NT5M: variants seen among roughly 807,000 people sequenced by gnomAD.
The protein encoded by NT5M is 5'(3')-deoxyribonucleotidase, mitochondrial.
Under a neutral mutation model 22.2 loss-of-function variants are expected in NT5M, and 22 were observed. That is an observed-to-expected ratio of 0.99 (90% CI 0.71 to 1.41). The LOEUF is 1.41. Ranked by LOEUF, NT5M falls within the 40% of genes most tolerant of loss-of-function variation. The pLI, the probability that NT5M is intolerant of heterozygous loss-of-function variation, is 0.00. For synonymous variants in NT5M, 167 were observed against 133.0 expected (o/e 1.26, Z -1.76); for missense variants, 322 against 314.8 (o/e 1.02, Z -0.17).
intron 3 of NT5M, among the ~76,000 whole-genome samples, chr17:17,332,671 T>G (rs1040926859): frequency 1.3e-5 from 2 of 152,188 alleles, no homozygotes; most frequent in African/African-American, 4.8e-5. Flanking sequence ...GCCCTTCTCC[T>G]TCCAAACAGC....
intron 4 of NT5M, 28 bp downstream of exon 4, chr17:17,344,936 A>G: frequency 1.2e-6 from 2 of 1,613,704 alleles, no homozygotes; most frequent in Non-Finnish European, 1.7e-6. Flanking sequence ...GGTGAGGAGC[A>G]CGTGGGGAGG....
chr17:17,303,776 T>C lies in NT5M; in HGVS notation c.226T>C (p.Trp76Arg). ...CGCGCTGGAGGACCGGCGCGGCTTC[T>C]GGGTGTCGGAGCAGTACGGCCGCCT... ...FIALEDRRGFWVSEQYGRLRP... is the reference protein window; with the variant it reads ...FIALEDRRGFRVSEQYGRLRP... The change falls in exon 1 of 5, where the codon TGG becomes CGG. Residue 76 changes from tryptophan to arginine, a missense_variant. Coordinates refer to ENST00000389022, the MANE Select transcript of NT5M (RefSeq NM_020201.4). 6.3e-7 allele frequency: 1 copy of C among 1,578,270 alleles called. No individual in the cohort carries two copies. The highest frequency in any genetic ancestry group is 8.6e-7 in the Non-Finnish European group (1 of 1,163,780).
intron 4 of NT5M, chr17:17,345,214 A>G: frequency 8.6e-7 from 1 of 1,158,118 alleles, no homozygotes; most frequent in Non-Finnish European, 1.1e-6. Context: ...TGGTTTCCAA[A>G]TGTTTGTTTT....
chr17:17,317,059 T>TG (rs1310637257), intron 2 of NT5M, among the ~76,000 whole-genome samples: 1 of 139,372 alleles, frequency 7.2e-6, no homozygotes, highest in Non-Finnish European at 1.5e-5. Flanking sequence ...GTTTTTGTTT[T>TG]TTTTTTTTGA....
chr17:17,305,458 A>G (rs1252962294), intron 1 of NT5M, among the ~76,000 whole-genome samples: 6 of 137,568 alleles, frequency 4.4e-5, no homozygotes, highest in Admixed American at 1.7e-4. Flanking sequence ...CTACTTTTCA[A>G]AATTCTGCTC....
In NT5M at chr17:17,303,632, C is replaced by T; in HGVS notation, c.82C>T (p.Leu28=). ...PAGRRGAAGG[L]GLAGGRALRV... is the part of the protein sequence containing the mutation. ...GGGGCGGCGCGGGGCGGCGGGCGGG[C>T]TGGGCCTGGCGGGAGGCCGCGCCCT... Residue 28 remains leucine (L), a synonymous_variant, in exon 1 of 5, where the codon CTG becomes TTG. Transcript: ENST00000389022. 1 of 1,396,908 alleles carries T rather than the reference C, an allele frequency of 7.2e-7. No homozygotes were observed. Among genetic ancestry groups the T allele is most frequent in the Non-Finnish European group, 9.4e-7 (1 of 1,062,668 alleles). The allele number at this position is 1,396,908 out of a possible 1,614,324, so 86.5% of individuals were successfully genotyped here.
In NT5M at chr17:17,347,125, G is replaced by A; in HGVS notation, c.*178G>A. ...CAGGCCTTAACCTGATCACGGGGCAGGGCTGGGCCCTCTGGGCGCTTGGAC... is the reference window on the plus strand; with the variant it reads ...CAGGCCTTAACCTGATCACGGGGCAAGGCTGGGCCCTCTGGGCGCTTGGAC... On this transcript the variant is annotated 3_prime_UTR_variant, in exon 5 of 5. Transcript: ENST00000389022. 2.4e-6 allele frequency: 2 copies of A among 829,972 alleles called. No individual in the cohort carries two copies. The highest frequency in any genetic ancestry group is 6.0e-5 in the Admixed American group (2 of 33,518). The allele number at this position is 829,972 out of a possible 1,614,324, so 51.4% of individuals were successfully genotyped here.
At chr17:17,310,699 A>G (rs981006890) in intron 2 of NT5M, among the ~76,000 whole-genome samples, 2 of 147,320 alleles carry the variant, frequency 1.4e-5, no homozygotes, top group African/African-American at 5.1e-5. Flanking sequence ...ATAGCCAGGC[A>G]TAGTGGTGCG....
At chr17:17,314,434 G>T (rs1403074476) in intron 2 of NT5M, among the ~76,000 whole-genome samples, 1 of 152,146 alleles carries the variant, frequency 6.6e-6, no homozygotes, top group African/African-American at 2.4e-5. Context: ...CACTCTTCTT[G>T]CTCTAGTTAA....
intron 2 of NT5M, among the ~76,000 whole-genome samples, chr17:17,316,755 GC>G (rs1279554165): frequency 2.0e-5 from 3 of 146,770 alleles, no homozygotes; most frequent in African/African-American, 7.6e-5. Flanking sequence ...TCGCTCTGTT[GC>G]CCAGGCTGGA....
At position 17,335,849 on chromosome 17, in the gene NT5M, C is replaced by G. The variant is rs145773449; in HGVS notation, c.430-8945C>G. Among the ~76,000 whole-genome samples, 998 of 152,126 alleles carry G rather than the reference C, an allele frequency of 6.6e-3. 13 individuals carry two copies. The highest frequency in any genetic ancestry group is 0.023 in the African/African-American group (960 of 41,478). ...GGTTTTGCCATGTTGGCCAGCTGGT[C>G]TCTAACTCCTGACCTCAAGTAATCC... On this transcript the variant is annotated intron_variant, in intron 3 of 4. Coordinates refer to ENST00000389022, the MANE Select transcript of NT5M (RefSeq NM_020201.4).
At chr17:17,343,427 C>T (rs969266727) in intron 3 of NT5M, among the ~76,000 whole-genome samples, 10 of 152,216 alleles carry the variant, frequency 6.6e-5, no homozygotes, top group Middle Eastern at 3.2e-3. Flanking sequence ...GCTGGGACAG[C>T]GGTAGGGCTG....
At chr17:17,331,546 A>AT (rs1283446280) in intron 3 of NT5M, among the ~76,000 whole-genome samples, 1 of 151,620 alleles carries the variant, frequency 6.6e-6, no homozygotes, top group Non-Finnish European at 1.5e-5. Context: ...TGGCCATTTC[A>AT]TCATTGTAAT....
intron 3 of NT5M, among the ~76,000 whole-genome samples, chr17:17,336,804 C>T (rs906527356): frequency 3.3e-5 from 5 of 152,128 alleles, no homozygotes; most frequent in African/African-American, 1.2e-4. Flanking sequence ...CCTCCTCGGC[C>T]TTCCAAAGTG....
rs555459757 is a variant in NT5M, at chr17:17,309,325, A to G, written c.368+2682A>G. ...TTTTTTGTAGAGGTAGGATCTACCT[A>G]TGTTGTCTAGGCTGGTCTCAAACTC... On this transcript the variant is annotated intron_variant, in intron 2 of 4. Transcript: ENST00000389022. 1.6e-4 allele frequency among the ~76,000 whole-genome samples: 24 copies of G among 152,124 alleles called. No individual in the cohort carries two copies. In the East Asian group the frequency reaches 3.7e-3, roughly 23 times the overall value.
intron 3 of NT5M, among the ~76,000 whole-genome samples, chr17:17,326,553 G>T (rs35554631): frequency 0.14 from 20,890 of 152,212 alleles, 1,722 homozygotes; most frequent in Non-Finnish European, 0.18. Context: ...GGCCGTAGGG[G>T]CAGAGCCCGC....
chr17:17,304,992 G>A (rs573724392), intron 1 of NT5M, among the ~76,000 whole-genome samples: 34 of 152,222 alleles, frequency 2.2e-4, no homozygotes, highest in African/African-American at 7.7e-4. Context: ...CTTCTACAGC[G>A]GATGCCTAAT....
At position 17,346,796 on chromosome 17, in the gene NT5M, C is replaced by T. The variant is rs1255824122; in HGVS notation, c.545-9C>T. On this transcript the variant is annotated splice_polypyrimidine_tract_variant and intron_variant, in intron 4 of 4. Transcript: ENST00000389022. Reference sequence around the variant, plus strand: ...ACTGCTGAGCTGAATGCCGCTTTCCCACCCACAGGGGCCGAGCCAACCCCC... The same window carrying T: ...ACTGCTGAGCTGAATGCCGCTTTCCTACCCACAGGGGCCGAGCCAACCCCC... The T allele has an allele frequency of 6.2e-7, 1 of 1,606,480 alleles. No individual in the cohort carries two copies. Among genetic ancestry groups the T allele is most frequent in the Non-Finnish European group, 8.5e-7 (1 of 1,179,920 alleles).
intron 2 of NT5M, among the ~76,000 whole-genome samples, chr17:17,315,153 T>G (rs2048997350): frequency 6.6e-6 from 1 of 152,176 alleles, no homozygotes; most frequent in Non-Finnish European, 1.5e-5. Flanking sequence ...TTTTTAACAA[T>G]TTTGGAGGAA....
Sources: gnomAD v4.1 joint callset for allele counts (sites outside exome capture counted in the v4.1 genomes callset) on GRCh38, gnomAD v4.1.1 for gene constraint, MANE v1.5 for transcripts, NCBI Gene and HGNC (gene_info 2026-07-23, HGNC 2026-07-21) for gene names.